HS6ST2: variants seen among roughly 807,000 people sequenced by gnomAD.
The protein encoded by HS6ST2 is heparan-sulfate 6-O-sulfotransferase 2.
Under a neutral mutation model 33.0 loss-of-function variants are expected in HS6ST2, and 17 were observed. The observed-to-expected ratio is 0.52, with a 90% CI of 0.35 to 0.77. HS6ST2 has a LOEUF of 0.77. Ranked by LOEUF, HS6ST2 falls within the 30% of genes least tolerant of loss-of-function variation. The probability of loss-of-function intolerance (pLI) is 0.01; values close to 1 mark genes in which losing one functional copy is unlikely to be tolerated. For synonymous variants in HS6ST2, 248 were observed against 237.1 expected (o/e 1.05, Z -0.42); for missense variants, 519 against 551.7 (o/e 0.94, Z 0.59).
At chrX:132,947,400 A>G (rs925792859) in intron 2 of HS6ST2, among the ~76,000 whole-genome samples, 5 of 110,529 alleles carry the variant, frequency 4.5e-5, no homozygotes, top group African/African-American at 1.3e-4. Context: ...AGATTTTATA[A>G]TTTCTGCTTT....
intron 2 of HS6ST2, among the ~76,000 whole-genome samples, chrX:132,956,478 A>C (rs141276869): frequency 0.019 from 2,097 of 111,754 alleles, 47 homozygotes; most frequent in African/African-American, 0.064. Context: ...GCGGCTCTTT[A>C]GGGCTCTCCA....
intron 2 of HS6ST2, among the ~76,000 whole-genome samples, chrX:132,840,485 C>G (rs149147857): frequency 4.4e-3 from 484 of 109,975 alleles, no homozygotes; most frequent in African/African-American, 0.015. Context: ...CCCTTTCTCT[C>G]TAAGTACCTA....
chrX:132,898,509 C>T (rs182565875), intron 2 of HS6ST2, among the ~76,000 whole-genome samples: 1 of 107,552 alleles, frequency 9.3e-6, no homozygotes, highest in East Asian at 2.9e-4. Flanking sequence ...CTTTTGCTTC[C>T]AACCATGATG....
intron 2 of HS6ST2, among the ~76,000 whole-genome samples, chrX:132,868,209 G>A (rs965551619): frequency 8.9e-6 from 1 of 111,850 alleles, no homozygotes; most frequent in African/African-American, 3.2e-5. Flanking sequence ...AATGATAAAG[G>A]GATCAATGCA....
intron 2 of HS6ST2, among the ~76,000 whole-genome samples, chrX:132,856,915 T>C (rs1005895116): frequency 8.9e-6 from 1 of 111,948 alleles, no homozygotes; most frequent in Admixed American, 9.5e-5. Context: ...GTATTTATCA[T>C]GGTTAAACAT....
At chrX:132,837,607 T>C (rs1327894707) in intron 2 of HS6ST2, among the ~76,000 whole-genome samples, 2 of 111,411 alleles carry the variant, frequency 1.8e-5, no homozygotes, top group Non-Finnish European at 3.8e-5. Context: ...AAACAGTCCT[T>C]ATTGTTTCCC....
At chrX:132,929,926 T>C (rs2066748395) in intron 2 of HS6ST2, among the ~76,000 whole-genome samples, 1 of 110,946 alleles carries the variant, frequency 9.0e-6, no homozygotes, top group Non-Finnish European at 1.9e-5. Context: ...AGACCCCTCT[T>C]CCCCCAGAGA....
intron 2 of HS6ST2, among the ~76,000 whole-genome samples, chrX:132,924,770 G>T (rs1024299048): frequency 1.8e-5 from 2 of 111,952 alleles, no homozygotes; most frequent in Non-Finnish European, 3.8e-5. Context: ...TAGGCAGATC[G>T]CTTGAGCTCA....
chrX:132,794,677 G>A (rs1208177386), intron 2 of HS6ST2, among the ~76,000 whole-genome samples: 1 of 110,377 alleles, frequency 9.1e-6, no homozygotes. Context: ...CACCCACCTC[G>A]GCCTCCCACA....
chrX:132,691,177 C>T (rs929670526), intron 3 of HS6ST2, among the ~76,000 whole-genome samples: 3 of 111,583 alleles, frequency 2.7e-5, no homozygotes, highest in Non-Finnish European at 3.8e-5. Context: ...AAGGACCAGT[C>T]GAGGACAAAG....
chrX:132,789,653 T>C (rs112171273), intron 2 of HS6ST2, among the ~76,000 whole-genome samples: 25 of 112,730 alleles, frequency 2.2e-4, no homozygotes, highest in African/African-American at 7.7e-4. Context: ...AAAAACCTTC[T>C]GGAACTGATC....
intron 2 of HS6ST2, among the ~76,000 whole-genome samples, chrX:132,714,146 A>G (rs2064254144): frequency 9.0e-6 from 1 of 111,429 alleles, no homozygotes; most frequent in Non-Finnish European, 1.9e-5. Context: ...GCACAAGGTA[A>G]CAGAAAGAGG....
At chrX:132,742,270 T>G (rs1303728988) in intron 2 of HS6ST2, among the ~76,000 whole-genome samples, 2 of 111,675 alleles carry the variant, frequency 1.8e-5, no homozygotes, top group African/African-American at 3.3e-5. Flanking sequence ...ACGTTTGCAC[T>G]TGGATTCAGC....
intron 2 of HS6ST2, among the ~76,000 whole-genome samples, chrX:132,930,758 C>T (rs1484014262): frequency 9.0e-6 from 1 of 111,096 alleles, no homozygotes; most frequent in African/African-American, 3.3e-5. Flanking sequence ...AGTGAAAAGT[C>T]CAATAATACT....
chrX:132,818,478 T>C (rs1244541932), intron 2 of HS6ST2, among the ~76,000 whole-genome samples: 1 of 111,297 alleles, frequency 9.0e-6, no homozygotes, highest in Non-Finnish European at 1.9e-5. Context: ...GGATAGGCAA[T>C]AACTGCCATC....
In HS6ST2 at chrX:132,957,202, C is replaced by G. The variant is rs369550340; in HGVS notation, c.553G>C (p.Ala185Pro). 4 of 1,209,469 alleles carry G rather than the reference C, an allele frequency of 3.3e-6. No homozygotes were observed. In the African/African-American group the frequency reaches 7.0e-5, roughly 21 times the overall value. The change falls in exon 2 of 5, where the codon GCG becomes CCG. Residue 185 changes from alanine (A) to proline (P), a missense_variant. Coordinates refer to ENST00000370833, the MANE Select transcript of HS6ST2 (RefSeq NM_001394073.1). ...GGGTCCGGCACCGGGGAGCTGAACGCCTGCAGGCGGAGGAGCTGGCATTCT... is the reference window on the plus strand; with the variant it reads ...GGGTCCGGCACCGGGGAGCTGAACGGCTGCAGGCGGAGGAGCTGGCATTCT... ...GTECQLLRLQ[A>P]FSSPVPDPYR...
intron 2 of HS6ST2, among the ~76,000 whole-genome samples, chrX:132,904,854 C>T (rs1368684454): frequency 9.0e-6 from 1 of 110,511 alleles, no homozygotes; most frequent in Non-Finnish European, 1.9e-5. Flanking sequence ...CCTGCTTGTA[C>T]CAGCTTACAC....
At chrX:132,818,233 C>A (rs975509896) in intron 2 of HS6ST2, among the ~76,000 whole-genome samples, 33 of 110,971 alleles carry the variant, frequency 3.0e-4, no homozygotes, top group Non-Finnish European at 5.7e-4. Context: ...TGCAAGAGAG[C>A]GGTTAAAAGC....
chrX:132,838,530 G>GC (rs1008170869), intron 2 of HS6ST2, among the ~76,000 whole-genome samples: 1 of 111,466 alleles, frequency 9.0e-6, no homozygotes, highest in African/African-American at 3.3e-5. Flanking sequence ...ACTCTACTTG[G>GC]CAACACCGAA....
Sources: allele counts gnomAD v4.1 joint callset (sites outside exome capture counted in the v4.1 genomes callset), GRCh38; gene constraint gnomAD v4.1.1; transcripts MANE v1.5; gene names NCBI Gene and HGNC (gene_info 2026-07-23, HGNC 2026-07-21).